Variants in STMN3 observed in about 807,000 individuals in gnomAD.
The protein encoded by STMN3 is stathmin-3.
A neutral mutation model predicts 23.2 loss-of-function variants in STMN3; 24 were observed. The ratio of observed to expected loss-of-function variants is 1.03; its 90% CI spans 0.75 to 1.45. The LOEUF (loss-of-function observed/expected upper bound fraction) is 1.45. STMN3 is among the 40% of genes most tolerant of loss of function. STMN3 has a pLI of 0.00. For missense variants in STMN3, 235 were observed against 237.6 expected, an observed-to-expected ratio of 0.99 and a Z score of 0.07; for synonymous variants, 117 against 103.4, an observed-to-expected ratio of 1.13 and a Z score of -0.80.
chr20:63,642,296 G>T lies in STMN3; in HGVS notation c.295C>A (p.Gln99Lys). Residue 99 changes from glutamine to lysine, a missense_variant, in exon 4 of 5, where the codon CAG becomes AAG. Physicochemically the swap from Gln to Lys is moderately conservative, Grantham distance 53 (BLOSUM62 1). Coordinates refer to ENST00000370053, the MANE Select transcript of STMN3 (RefSeq NM_015894.4). ...LEAAEERRKTQEAQVLKQLAE... is the reference protein window; with the variant it reads ...LEAAEERRKTKEAQVLKQLAE... ...AGCTGCTTCAGCACCTGCGCCTCCT[G>T]CGTCTGTGCGGGGCCGGCGGGCGCG... is the stretch of plus-strand genomic sequence containing the variant. The T allele has an allele frequency of 6.6e-7, 1 of 1,523,154 alleles. No individual in the cohort carries two copies. The highest frequency in any genetic ancestry group is 8.8e-7 in the Non-Finnish European group (1 of 1,135,546). The allele number at this position is 1,523,154 out of a possible 1,614,324, so 94.4% of individuals were successfully genotyped here.
intron 1 of STMN3, among the ~76,000 whole-genome samples, chr20:63,648,460 G>A (rs946701611): frequency 5.9e-5 from 9 of 152,210 alleles, no homozygotes; most frequent in African/African-American, 2.2e-4. Context: ...ATGTGGCCGG[G>A]CGCAGTGGCT....
intron 1 of STMN3, among the ~76,000 whole-genome samples, chr20:63,650,800 G>C (rs1444072160): frequency 1.5e-5 from 1 of 68,266 alleles, no homozygotes; most frequent in Non-Finnish European, 2.8e-5. Flanking sequence ...CCCACTCCCA[G>C]GGTCACACCT....
At position 63,642,237 on chromosome 20, in the gene STMN3, C is replaced by T; in HGVS notation, c.354G>A (p.Leu118=). 6.4e-7 allele frequency: 1 copy of T among 1,556,530 alleles called. No individual in the cohort carries two copies. Among genetic ancestry groups the T allele is most frequent in the South Asian group, 1.2e-5 (1 of 85,880 alleles). The change falls in exon 4 of 5, where the codon CTG becomes CTA. Residue 118 remains leucine (L), a synonymous_variant. Transcript: ENST00000370053. ...TGTTATTCTCCTCCAGCGCCTTGTG[C>T]AGCACCTCGCGCTCGTGCTCGCGCC... is the stretch of plus-strand genomic sequence containing the variant. The part of the protein sequence containing the change: ...AERREHEREV[L]HKALEENNNF...
At chr20:63,649,052 A>T (rs2089838590) in intron 1 of STMN3, among the ~76,000 whole-genome samples, 1 of 152,108 alleles carries the variant, frequency 6.6e-6, no homozygotes, top group African/African-American at 2.4e-5. Context: ...GAGGTGAGGA[A>T]CTGGGTTCTG....
chr20:63,643,166 C>T (rs1466289721), intron 3 of STMN3, among the ~76,000 whole-genome samples: 2 of 152,134 alleles, frequency 1.3e-5, no homozygotes, highest in Non-Finnish European at 2.9e-5. Flanking sequence ...CTGGGGACCA[C>T]CCCCTAGCAT....
At chr20:63,645,235 C>A (rs917131618) in intron 1 of STMN3, among the ~76,000 whole-genome samples, 6 of 152,228 alleles carry the variant, frequency 3.9e-5, no homozygotes, top group African/African-American at 1.4e-4. Context: ...AGATGCAAAC[C>A]CTCTGTGGGC....
chr20:63,642,115 C>T lies in STMN3; in HGVS notation c.476G>A (p.Arg159His). 1 of 1,519,768 alleles carries T rather than the reference C, an allele frequency of 6.6e-7. No individual in the cohort carries two copies. Among genetic ancestry groups the T allele is most frequent in the South Asian group, 1.2e-5 (1 of 82,264 alleles). 94.1% of individuals were successfully genotyped at this position (1,519,768 alleles called of 1,614,324 possible). A position where few individuals can be genotyped will look rare whatever the true frequency, so the allele number is the denominator to read the frequency against. ...CCGGCCCCGCCCCCGCACCTTCTCG[C>T]GCAGCCGCTCGCGCAGTGCGGCCAG... ...AHLAALRERL[R>H]EKELHAAEVR... The change falls in exon 4 of 5, where the codon CGC (arginine) becomes CAC (histidine). Residue 159 changes from arginine to histidine, a missense_variant. By Grantham distance (29) the Arg-to-His change is conservative. Coordinates refer to ENST00000370053, the MANE Select transcript of STMN3 (RefSeq NM_015894.4).
chr20:63,644,225 T>C lies in STMN3; in HGVS notation c.104A>G (p.Tyr35Cys), dbSNP rs1337582166. ...AGCCAGGCACTCACCCCCGTACTGG[T>C]AGACGGTATTGGGGTGCGGCTGTGT... ...FYTQPHPNTV[Y>C]QYGDMEVKQL... The change falls in exon 2 of 5, where the codon TAC (tyrosine) becomes TGC (cysteine). Residue 35 changes from tyrosine (Y) to cysteine (C), a missense_variant. Physicochemically the swap from Tyr to Cys is radical, Grantham distance 194. Transcript: ENST00000370053. 6.2e-7 allele frequency: 1 copy of C among 1,612,768 alleles called. No individual in the cohort carries two copies. Among genetic ancestry groups the C allele is most frequent in the South Asian group, 1.1e-5 (1 of 91,070 alleles).
chr20:63,643,279 T>A (rs1370096158), intron 3 of STMN3, among the ~76,000 whole-genome samples: 6 of 152,084 alleles, frequency 3.9e-5, no homozygotes, highest in Non-Finnish European at 5.9e-5. Flanking sequence ...CTTTCTTTTT[T>A]TGTTCTTGTT....
In STMN3 at chr20:63,644,214, C is replaced by A; in HGVS notation, c.115G>T (p.Asp39Tyr). Residue 39 changes from aspartate (D) to tyrosine (Y), a missense_variant and splice_region_variant, in exon 2 of 5, where the codon GAC (aspartate) becomes TAC (tyrosine). Physicochemically the swap from Asp to Tyr is radical, Grantham distance 160. Coordinates refer to ENST00000370053, the MANE Select transcript of STMN3 (RefSeq NM_015894.4). ...PHPNTVYQYGDMEVKQLDKRA... is the reference protein window; with the variant it reads ...PHPNTVYQYGYMEVKQLDKRA... ...GGGCAGGCGGCAGCCAGGCACTCAC[C>A]CCCGTACTGGTAGACGGTATTGGGG... is the stretch of plus-strand genomic sequence containing the variant. 6.2e-7 allele frequency: 1 copy of A among 1,612,240 alleles called. No homozygotes were observed. Among genetic ancestry groups the A allele is most frequent in the South Asian group, 1.1e-5 (1 of 91,052 alleles).
Position 63,644,125 on chromosome 20 carries a change from C to T in STMN3, c.115+89G>A, listed in dbSNP as rs570633127. 8.5e-5 allele frequency: 118 copies of T among 1,387,818 alleles called. No individual in the cohort carries two copies. The African/African-American group carries it at 1.1e-3, about 13-fold the overall frequency. 86.0% of individuals were successfully genotyped at this position (1,387,818 alleles called of 1,614,324 possible). On this transcript the variant is annotated intron_variant, in intron 2 of 4. Transcript: ENST00000370053. ...CCTCCCTCTCCAGAGGCAGCCAGGA[C>T]GGGAGTTCAGAGAGACTGCCGGAGG...
intron 1 of STMN3, among the ~76,000 whole-genome samples, chr20:63,647,661 T>TAATATATATATACGTATATATAC (rs2089819923): frequency 7.7e-6 from 1 of 130,638 alleles, no homozygotes. Flanking sequence ...TGTATATATA[T>TAATATATATATACGTATATATAC]AATATATATA....
At chr20:63,645,178 C>G (rs1214574462) in intron 1 of STMN3, among the ~76,000 whole-genome samples, 1 of 152,192 alleles carries the variant, frequency 6.6e-6, no homozygotes, top group Non-Finnish European at 1.5e-5. Context: ...CCTTCCCACT[C>G]CTCGCCAGCT....
Position 63,643,754 on chromosome 20 carries a change from G to T in STMN3, c.291+2C>A. 6.5e-7 allele frequency: 1 copy of T among 1,536,586 alleles called. No homozygotes were observed. The highest frequency in any genetic ancestry group is 8.7e-7 in the Non-Finnish European group (1 of 1,151,392). On this transcript the variant is annotated splice_donor_variant, in intron 3 of 4. Coordinates refer to ENST00000370053, the MANE Select transcript of STMN3 (RefSeq NM_015894.4). LOFTEE classifies it high-confidence loss of function. ...GGGGGTGGGGGATGGAGGACTCCTTGCCTTCCTCCGCTCCTCGGCTGCCTC... is the reference window on the plus strand; with the variant it reads ...GGGGGTGGGGGATGGAGGACTCCTTTCCTTCCTCCGCTCCTCGGCTGCCTC...
chr20:63,643,730 G>C (rs778596970), intron 3 of STMN3, 26 bp downstream of exon 3: 4 of 1,512,472 alleles, frequency 2.6e-6, no homozygotes, highest in Admixed American at 4.9e-5. Flanking sequence ...AAACTCCTGG[G>C]GGGTGGGGGA....
At position 63,642,791 on chromosome 20, in the gene STMN3, A is replaced by AG. The variant is rs932515017; in HGVS notation, c.292-493dup. Among the ~76,000 whole-genome samples the AG allele has an allele frequency of 3.3e-5, 5 of 151,862 alleles. No individual in the cohort carries two copies. In the East Asian group the frequency reaches 7.8e-4, roughly 24 times the overall value. On this transcript the variant is annotated intron_variant, in intron 3 of 4. Transcript: ENST00000370053. ...GGAGGGTCCCCAGGGATGCTGGGGG[A>AG]GGGGCCGGCTGGTGACCCCTGGGAG...
chr20:63,643,583 T>C, intron 3 of STMN3, 173 bp downstream of exon 3: 1 of 965,956 alleles, frequency 1.0e-6, no homozygotes. Context: ...ACCCGGCCTC[T>C]CCCCATCCCA....
chr20:63,646,731 C>A (rs1440808128), intron 1 of STMN3, among the ~76,000 whole-genome samples: 2 of 151,772 alleles, frequency 1.3e-5, no homozygotes, highest in Non-Finnish European at 2.9e-5. Context: ...TTCACTGCAG[C>A]CTTGAACTTC....
chr20:63,651,604 C>G (rs909869798), intron 1 of STMN3, among the ~76,000 whole-genome samples: 3 of 152,352 alleles, frequency 2.0e-5, no homozygotes, highest in Middle Eastern at 6.8e-3. Context: ...CTACCACAGT[C>G]AGGCTGCTTG....
Sources: gnomAD v4.1 joint callset for allele counts (sites outside exome capture counted in the v4.1 genomes callset) on GRCh38, gnomAD v4.1.1 for gene constraint, MANE v1.5 for transcripts, NCBI Gene and HGNC (gene_info 2026-07-23, HGNC 2026-07-21) for gene names.